The following ROBO2 variants were observed in gnomAD, a reference collection of about 807,000 sequenced individuals.
The protein encoded by ROBO2 is roundabout guidance receptor 2, also known as roundabout homolog 2.
ROBO2 carries 53 observed loss-of-function variants against 160.8 expected under a neutral mutation model. The observed-to-expected ratio is 0.33, with a 90% confidence interval of 0.26 to 0.41. The LOEUF (loss-of-function observed/expected upper bound fraction) is 0.41. Among genes scored for constraint, ROBO2 ranks in the 10% least tolerant of loss-of-function variants. The pLI, the probability that ROBO2 is intolerant of heterozygous loss-of-function variation, is 1.00. For synonymous variants in ROBO2, 664 were observed against 611.7 expected (o/e 1.09, Z -1.26); for missense variants, 1,577 against 1,722.4 (o/e 0.92, Z 1.49).
intron 2 of ROBO2, among the ~76,000 whole-genome samples, chr3:76,996,265 C>T (rs61690595): frequency 6.6e-6 from 1 of 152,062 alleles, no homozygotes; most frequent in Non-Finnish European, 1.5e-5. Context: ...TAGTTGTAGA[C>T]ATGTGGCATT....
intron 2 of ROBO2, among the ~76,000 whole-genome samples, chr3:76,322,198 AT>A (rs2072610882): frequency 9.0e-6 from 1 of 110,802 alleles, no homozygotes; most frequent in African/African-American, 3.3e-5. Context: ...ATATATATAT[AT>A]ATATAATATA....
intron 2 of ROBO2, among the ~76,000 whole-genome samples, chr3:76,508,720 C>A (rs975089949): frequency 9.9e-5 from 15 of 152,172 alleles, no homozygotes; most frequent in African/African-American, 3.4e-4. Context: ...TGAGGCTTAT[C>A]ATATCATCCC....
intron 2 of ROBO2, among the ~76,000 whole-genome samples, chr3:77,352,161 A>G (rs1349928803): frequency 6.6e-6 from 1 of 151,734 alleles, no homozygotes; most frequent in Non-Finnish European, 1.5e-5. Flanking sequence ...ATTCTAGAGG[A>G]CCTTATTTTA....
intron 2 of ROBO2, among the ~76,000 whole-genome samples, chr3:77,260,635 A>G (rs1179425875): frequency 2.0e-5 from 3 of 152,188 alleles, no homozygotes; most frequent in Non-Finnish European, 4.4e-5. Context: ...TATCCAGCAA[A>G]GGGAATCAGC....
At chr3:77,583,190 A>G (rs997295506) in intron 16 of ROBO2, among the ~76,000 whole-genome samples, 30 of 149,910 alleles carry the variant, frequency 2.0e-4, no homozygotes, top group African/African-American at 6.9e-4. Flanking sequence ...AAACATTTTC[A>G]GTCCCCTCAG....
At chr3:76,058,097 T>G (rs894614817) in intron 2 of ROBO2, among the ~76,000 whole-genome samples, 2 of 20,280 alleles carry the variant, frequency 9.9e-5, no homozygotes, top group African/African-American at 2.1e-3. Flanking sequence ...AGCTTTTTGT[T>G]TTTTTTTTCC....
intron 2 of ROBO2, among the ~76,000 whole-genome samples, chr3:76,002,432 T>C (rs971022460): frequency 6.6e-6 from 1 of 152,130 alleles, no homozygotes; most frequent in Non-Finnish European, 1.5e-5. Flanking sequence ...CTCCCGTAAC[T>C]CCCATGTGTT....
chr3:76,818,811 C>A (rs962962302), intron 2 of ROBO2, among the ~76,000 whole-genome samples: 1 of 152,004 alleles, frequency 6.6e-6, no homozygotes, highest in Admixed American at 6.6e-5. Flanking sequence ...ATTCCATTGG[C>A]CCATGTGCCT....
At chr3:77,435,934 G>A (rs1330121726) in intron 2 of ROBO2, among the ~76,000 whole-genome samples, 1 of 150,666 alleles carries the variant, frequency 6.6e-6, no homozygotes, top group Non-Finnish European at 1.5e-5. Context: ...CTTGGTCCTG[G>A]GAGTCTCTGA....
At chr3:76,851,502 G>A (rs2069343626) in intron 2 of ROBO2, among the ~76,000 whole-genome samples, 1 of 151,662 alleles carries the variant, frequency 6.6e-6, no homozygotes, top group African/African-American at 2.4e-5. Flanking sequence ...TTGGGAGGCC[G>A]AGGCGGGTGG....
intron 2 of ROBO2, among the ~76,000 whole-genome samples, chr3:76,261,441 TG>T (rs936405064): frequency 2.6e-5 from 4 of 151,768 alleles, no homozygotes; most frequent in African/African-American, 9.7e-5. Context: ...GCCATTTTTT[TG>T]GGGGGGAACT....
rs181165627 is a variant in ROBO2 at position 77,237,944 on chromosome 3, G to A, written c.388+139604G>A. On this transcript the variant is annotated intron_variant, in intron 2 of 25. Coordinates refer to ENST00000461745, the Ensembl canonical transcript of ROBO2. ...GTATTTTGCCCAGTCTAATAGATGT[G>A]CAACGGTATCTCATTGTTTTGATTT... 2.6e-5 allele frequency among the ~76,000 whole-genome samples: 4 copies of A among 152,282 alleles called. No homozygotes were observed. In the East Asian group the frequency reaches 7.7e-4, roughly 29 times the overall value.
At chr3:76,483,673 G>C (rs2079331280) in intron 2 of ROBO2, among the ~76,000 whole-genome samples, 1 of 152,058 alleles carries the variant, frequency 6.6e-6, no homozygotes, top group Non-Finnish European at 1.5e-5. Flanking sequence ...CAGGTAGTAA[G>C]CTTAGTGCTC....
chr3:76,847,668 G>A (rs981379079), intron 2 of ROBO2, among the ~76,000 whole-genome samples: 1 of 151,982 alleles, frequency 6.6e-6, no homozygotes, highest in Non-Finnish European at 1.5e-5. Flanking sequence ...ATCTCAACTC[G>A]GCATTGCTGA....
chr3:76,014,679 G>A lies in ROBO2; in HGVS notation c.109+77077G>A, dbSNP rs555321087. On this transcript the variant is annotated intron_variant, in intron 2 of 26. Coordinates refer to the ROBO2 transcript ENST00000487694. ...ACGGTGGCTTATGCATGTAATCCCC[G>A]CACTTTGGGAGGCCCAGGTGGGATG... Among the ~76,000 whole-genome samples, 6 of 152,280 alleles carry A rather than the reference G, an allele frequency of 3.9e-5. No homozygotes were observed. The East Asian group carries it at 9.7e-4, about 25-fold the overall frequency.
At chr3:76,417,654 C>T (rs62262659) in intron 2 of ROBO2, among the ~76,000 whole-genome samples, 5,836 of 151,668 alleles carry the variant, frequency 0.038, 126 homozygotes, top group Middle Eastern at 0.058. Context: ...GCTTGTAATA[C>T]AAGTTGAAAG....
At chr3:77,228,528 C>T (rs1422220050) in intron 2 of ROBO2, among the ~76,000 whole-genome samples, 2 of 151,086 alleles carry the variant, frequency 1.3e-5, no homozygotes, top group Non-Finnish European at 2.9e-5. Flanking sequence ...CCCTGTTGAA[C>T]AATGAGAACA....
At chr3:77,024,968 T>G (rs1434058418) in intron 2 of ROBO2, among the ~76,000 whole-genome samples, 4 of 151,904 alleles carry the variant, frequency 2.6e-5, no homozygotes, top group African/African-American at 7.3e-5. Flanking sequence ...AGCTGTTTTT[T>G]TTTGTTTGTT....
At chr3:76,764,398 T>G (rs1464379835) in intron 2 of ROBO2, among the ~76,000 whole-genome samples, 2 of 151,762 alleles carry the variant, frequency 1.3e-5, no homozygotes, top group African/African-American at 4.8e-5. Context: ...TAAAATATTT[T>G]AATCATACTG....
Sources: allele counts gnomAD v4.1 joint callset (sites outside exome capture counted in the v4.1 genomes callset), GRCh38; gene constraint gnomAD v4.1.1; transcripts MANE v1.5; gene names NCBI Gene and HGNC (gene_info 2026-07-23, HGNC 2026-07-21).